The following ZNF407 variants were observed in gnomAD, a reference collection of about 807,000 sequenced individuals.
The protein encoded by ZNF407 is zinc finger protein 407.
A neutral mutation model predicts 131.2 loss-of-function variants in ZNF407; 17 were observed. The ratio of observed to expected loss-of-function variants is 0.13; its 90% CI spans 0.09 to 0.19. The LOEUF is 0.19. Among genes scored for constraint, ZNF407 ranks in the 10% least tolerant of loss-of-function variants. The probability of loss-of-function intolerance (pLI) is 1.00; values close to 1 mark genes in which losing one functional copy is unlikely to be tolerated. For synonymous variants in ZNF407, 1,156 were observed against 1,062.0 expected (o/e 1.09, Z -1.72); for missense variants, 2,681 against 2,830.6 (o/e 0.95, Z 1.20).
intron 8 of ZNF407, among the ~76,000 whole-genome samples, chr18:75,040,434 G>T (rs1973359706): frequency 6.6e-6 from 1 of 152,150 alleles, no homozygotes; most frequent in Non-Finnish European, 1.5e-5. Context: ...AAATGGGGTG[G>T]AAGATTCTGT....
At position 75,064,148 on chromosome 18, in the gene ZNF407, T is replaced by C; in HGVS notation, c.6427T>C (p.Ser2143Pro). 6.2e-7 allele frequency: 1 copy of C among 1,603,214 alleles called. No homozygotes were observed. The highest frequency in any genetic ancestry group is 8.5e-7 in the Non-Finnish European group (1 of 1,175,096). ...MDLVESDGEI[S>P]QIIVTEELVQ... ...TCTGGTGGAGTCCGACGGGGAGATCTCGCAGATCATCGTGACGGAGGAGCT... is the reference window on the plus strand; with the variant it reads ...TCTGGTGGAGTCCGACGGGGAGATCCCGCAGATCATCGTGACGGAGGAGCT... Residue 2143 changes from serine (S) to proline (P), a missense_variant, in exon 9 of 9, where the codon TCG (serine) becomes CCG (proline). Physicochemically the swap from Ser to Pro is moderately conservative, Grantham distance 74. Coordinates refer to ENST00000299687, the MANE Select transcript of ZNF407 (RefSeq NM_017757.3).
At chr18:74,629,936 A>G (rs987683596) in intron 1 of ZNF407, among the ~76,000 whole-genome samples, 1 of 152,054 alleles carries the variant, frequency 6.6e-6, no homozygotes, top group Non-Finnish European at 1.5e-5. Context: ...CATTAATTCT[A>G]CTCTACCACT....
At chr18:74,744,011 G>A (rs1251557806) in intron 3 of ZNF407, among the ~76,000 whole-genome samples, 1 of 152,018 alleles carries the variant, frequency 6.6e-6, no homozygotes, top group African/African-American at 2.4e-5. Flanking sequence ...GACATTCATT[G>A]TTCTCATGGG....
intron 4 of ZNF407, among the ~76,000 whole-genome samples, chr18:74,788,614 G>GA (rs375763179): frequency 0.19 from 22,753 of 117,214 alleles, 2,205 homozygotes; most frequent in Non-Finnish European, 0.26. Flanking sequence ...TGGTTATCTT[G>GA]AAAAAAAAAA....
At chr18:74,848,362 T>C (rs1970731097) in intron 4 of ZNF407, among the ~76,000 whole-genome samples, 1 of 152,092 alleles carries the variant, frequency 6.6e-6, no homozygotes, top group African/African-American at 2.4e-5. Flanking sequence ...TTGAAGGAAT[T>C]GAAACAATAA....
chr18:74,884,194 C>G (rs1206468957), intron 6 of ZNF407, among the ~76,000 whole-genome samples: 1 of 152,120 alleles, frequency 6.6e-6, no homozygotes, highest in Non-Finnish European at 1.5e-5. Flanking sequence ...AACTTAAATT[C>G]TTATTTCAAA....
chr18:75,019,171 A>G (rs1222558742), intron 8 of ZNF407, among the ~76,000 whole-genome samples: 3 of 152,186 alleles, frequency 2.0e-5, no homozygotes, highest in Non-Finnish European at 2.9e-5. Context: ...GAAAATCAGT[A>G]TGTTTATGTA....
At chr18:75,054,744 A>G (rs2122274132) in intron 8 of ZNF407, among the ~76,000 whole-genome samples, 1 of 152,340 alleles carries the variant, frequency 6.6e-6, no homozygotes, top group Middle Eastern at 3.4e-3. Context: ...AAGAATGCCT[A>G]TTCCAGTTTG....
intron 1 of ZNF407, among the ~76,000 whole-genome samples, chr18:74,608,610 G>T (rs1163323592): frequency 6.6e-6 from 1 of 152,174 alleles, no homozygotes; most frequent in East Asian, 1.9e-4. Context: ...GCCTCTCAAA[G>T]TGCTGGGATT....
chr18:74,785,480 A>C (rs1415700419), intron 4 of ZNF407, among the ~76,000 whole-genome samples: 3 of 152,142 alleles, frequency 2.0e-5, no homozygotes, highest in Non-Finnish European at 4.4e-5. Flanking sequence ...CACCTAATGT[A>C]ATTGCGGAGA....
intron 4 of ZNF407, among the ~76,000 whole-genome samples, chr18:74,876,574 TC>T (rs1196068756): frequency 6.6e-6 from 1 of 152,242 alleles, no homozygotes; most frequent in Admixed American, 6.5e-5. Context: ...TATTTTTTTT[TC>T]ATACTGGAAA....
intron 8 of ZNF407, among the ~76,000 whole-genome samples, chr18:74,977,939 T>G (rs1250872206): frequency 6.6e-6 from 1 of 152,218 alleles, no homozygotes; most frequent in Non-Finnish European, 1.5e-5. Context: ...ACTTGCAAGT[T>G]TACATGAAAT....
At position 74,757,714 on chromosome 18, in the gene ZNF407, C is replaced by CT. The variant is rs200101720; in HGVS notation, c.4803-23713dup. 4.2e-3 allele frequency among the ~76,000 whole-genome samples: 636 copies of CT among 152,126 alleles called. 3 individuals carry two copies. Among genetic ancestry groups the CT allele is most frequent in the African/African-American group, 0.013 (529 of 41,554 alleles). The stretch of plus-strand genomic sequence containing the variant: ...TCATTGTTTATGTTTCACATTAAGT[C>CT]TATTTATTACTGAAAATGGGCTTTT... On this transcript the variant is annotated intron_variant, in intron 3 of 8. Coordinates refer to ENST00000299687, the MANE Select transcript of ZNF407 (RefSeq NM_017757.3).
At chr18:74,937,266 A>T (rs1413298430) in intron 8 of ZNF407, among the ~76,000 whole-genome samples, 1 of 152,236 alleles carries the variant, frequency 6.6e-6, no homozygotes, top group Non-Finnish European at 1.5e-5. Flanking sequence ...CAACTATTTT[A>T]TACAAGCAAT....
At chr18:74,781,915 A>G (rs1969610533) in intron 4 of ZNF407, among the ~76,000 whole-genome samples, 1 of 152,216 alleles carries the variant, frequency 6.6e-6, no homozygotes, top group African/African-American at 2.4e-5. Flanking sequence ...GCTGATATTA[A>G]GAAGAAATAC....
chr18:74,823,815 T>C (rs1325097469), intron 4 of ZNF407, among the ~76,000 whole-genome samples: 1 of 152,044 alleles, frequency 6.6e-6, no homozygotes, highest in Non-Finnish European at 1.5e-5. Flanking sequence ...AGACAGAAAA[T>C]TAACAAAGTT....
chr18:74,915,046 T>G (rs1971728285), intron 7 of ZNF407, among the ~76,000 whole-genome samples: 2 of 152,212 alleles, frequency 1.3e-5, no homozygotes, highest in African/African-American at 4.8e-5. Flanking sequence ...TCATAAATTT[T>G]CTTAAAAGAA....
intron 4 of ZNF407, among the ~76,000 whole-genome samples, chr18:74,837,895 C>G (rs915467151): frequency 3.3e-5 from 5 of 152,324 alleles, no homozygotes; most frequent in African/African-American, 1.2e-4. Flanking sequence ...CTCAAGCGAC[C>G]TGCCCATCTT....
rs182275945 is a variant in ZNF407, at chr18:74,732,213, T to C, written c.4803-49215T>C. Among the ~76,000 whole-genome samples, 9 of 152,308 alleles carry C rather than the reference T, an allele frequency of 5.9e-5. No individual in the cohort carries two copies. The East Asian group carries it at 1.7e-3, about 29-fold the overall frequency. On this transcript the variant is annotated intron_variant, in intron 3 of 8. Transcript: ENST00000299687. Reference sequence around the variant, plus strand: ...AAAATGAATGGGGAACGTCAGACTTTTAAAAATTCTTATTGTCGTGAAACT... The same window carrying C: ...AAAATGAATGGGGAACGTCAGACTTCTAAAAATTCTTATTGTCGTGAAACT...
Sources: gnomAD v4.1 joint callset for allele counts (sites outside exome capture counted in the v4.1 genomes callset) on GRCh38, gnomAD v4.1.1 for gene constraint, MANE v1.5 for transcripts, NCBI Gene and HGNC (gene_info 2026-07-23, HGNC 2026-07-21) for gene names.